Variants in PELI3 observed in about 807,000 individuals in gnomAD.
PELI3 encodes the protein E3 ubiquitin-protein ligase pellino homolog 3.
A neutral mutation model predicts 35.5 loss-of-function variants in PELI3; 19 were observed. That is an observed-to-expected ratio of 0.54 (90% CI 0.37 to 0.79). The LOEUF (loss-of-function observed/expected upper bound fraction) is 0.79. PELI3 is among the 30% of genes least tolerant of loss of function. The pLI is 0.00. For synonymous variants in PELI3, 262 were observed against 279.2 expected, an observed-to-expected ratio of 0.94 and a Z score of 0.62; for missense variants, 490 against 661.2, an observed-to-expected ratio of 0.74 and a Z score of 2.84.
intron 4 of PELI3, among the ~76,000 whole-genome samples, chr11:66,472,149 C>T (rs535277213): frequency 1.3e-5 from 2 of 151,832 alleles, no homozygotes; most frequent in African/African-American, 4.8e-5. Flanking sequence ...GCTGGGATTA[C>T]AGGCGTGAGC....
chr11:66,476,553 ACT>A lies in PELI3; in HGVS notation c.*388_*389del, dbSNP rs932199498. 1 of 229,756 alleles carries A rather than the reference ACT, an allele frequency of 4.4e-6. No homozygotes were observed. The highest frequency in any genetic ancestry group is 7.4e-5 in the South Asian group (1 of 13,486). 14.2% of individuals were successfully genotyped at this position (229,756 alleles called of 1,614,324 possible). On this transcript the variant is annotated 3_prime_UTR_variant, in exon 8 of 8. Coordinates refer to ENST00000320740, the MANE Select transcript of PELI3 (RefSeq NM_145065.3). ...TGAGCCTGCCAACCCAGTTTCAGAC[ACT>A]CATCCTTCATCCTTCCTGCTGCCGC...
At chr11:66,471,825 C>G (rs1051162331) in intron 4 of PELI3, among the ~76,000 whole-genome samples, 8 of 152,060 alleles carry the variant, frequency 5.3e-5, no homozygotes, top group Non-Finnish European at 7.4e-5. Context: ...TCTCTCTGAC[C>G]TGCAGTTTCT....
In PELI3 at chr11:66,473,665, G is replaced by T; in HGVS notation, c.652-72G>T. ...CGCCTCTGAACTTGAAGGTAGCGGG[G>T]GCAGTGCCTCTGGCACATGGCCTGC... On this transcript the variant is annotated intron_variant, in intron 6 of 7. Coordinates refer to ENST00000320740, the MANE Select transcript of PELI3 (RefSeq NM_145065.3). The surrounding 1 kb of genome is among the most constrained non-coding windows in gnomAD (Gnocchi z 5.8). 1 of 1,575,160 alleles carries T rather than the reference G, an allele frequency of 6.3e-7. No homozygotes were observed. Among genetic ancestry groups the T allele is most frequent in the Non-Finnish European group, 8.6e-7 (1 of 1,160,712 alleles).
chr11:66,473,937 G>T lies in PELI3; in HGVS notation c.840+12G>T. On this transcript the variant is annotated intron_variant, in intron 7 of 7. Transcript: ENST00000320740. This position sits in a 1 kb window ranked among gnomAD's most constrained non-coding sequence, Gnocchi z 5.8. ...AGCGGGGCAAGCTGGTAGGTGGCCCGCTCCATTCCCCACCCCTATCCTTGC... is the reference window on the plus strand; with the variant it reads ...AGCGGGGCAAGCTGGTAGGTGGCCCTCTCCATTCCCCACCCCTATCCTTGC... 2 of 1,611,810 alleles carry T rather than the reference G, an allele frequency of 1.2e-6. No individual in the cohort carries two copies. The highest frequency in any genetic ancestry group is 2.2e-5 in the East Asian group (1 of 44,868).
At chr11:66,471,570 C>A (rs998333189) in intron 4 of PELI3, among the ~76,000 whole-genome samples, 199 bp downstream of exon 4, 3 of 152,102 alleles carry the variant, frequency 2.0e-5, no homozygotes, top group Non-Finnish European at 4.4e-5. Flanking sequence ...TTACAGTTTG[C>A]AAAATGTTGC....
Position 66,476,179 on chromosome 11 carries a change from C to A in PELI3, c.*12C>A. 5 of 1,532,678 alleles carry A rather than the reference C, an allele frequency of 3.3e-6. No homozygotes were observed. Among genetic ancestry groups the A allele is most frequent in the African/African-American group, 1.4e-5 (1 of 73,164 alleles). 94.9% of individuals were successfully genotyped at this position (1,532,678 alleles called of 1,614,324 possible). A position where few individuals can be genotyped will look rare whatever the true frequency, so the allele number is the denominator to read the frequency against. On this transcript the variant is annotated 3_prime_UTR_variant, in exon 8 of 8. Transcript: ENST00000320740. The stretch of plus-strand genomic sequence containing the variant: ...GCCCGCTGGATTAGGCTCCCTGGGG[C>A]CCCCTGCTGCTGTGCCCACCTGCCC...
Position 66,473,800 on chromosome 11 carries a change from C to G in PELI3, c.715C>G (p.Leu239Val). The change falls in exon 7 of 8, where the codon CTG (leucine) becomes GTG (valine). Residue 239 changes from leucine to valine, a missense_variant. By Grantham distance (32) the Leu-to-Val change is conservative. Coordinates refer to ENST00000320740, the MANE Select transcript of PELI3 (RefSeq NM_145065.3). The surrounding 1 kb of genome is among the most constrained non-coding windows in gnomAD (Gnocchi z 5.8). ...GGATGGACTGACCACCAATGGAGTCCTGGTGATGCACCCGGCAGGCGGCTT... is the reference window on the plus strand; with the variant it reads ...GGATGGACTGACCACCAATGGAGTCGTGGTGATGCACCCGGCAGGCGGCTT... ...LMDGLTTNGV[L>V]VMHPAGGFSE... 1.2e-6 allele frequency: 2 copies of G among 1,613,990 alleles called. No individual in the cohort carries two copies. Among genetic ancestry groups the G allele is most frequent in the Non-Finnish European group, 1.7e-6 (2 of 1,180,008 alleles).
intron 5 of PELI3, among the ~76,000 whole-genome samples, chr11:66,472,693 C>T (rs1854765857): frequency 6.6e-6 from 1 of 152,172 alleles, no homozygotes; most frequent in Non-Finnish European, 1.5e-5. Flanking sequence ...GGTCACACAG[C>T]TCAGGAGTTC....
At chr11:66,468,083 T>A in intron 1 of PELI3, 45 bp from the exon 2 acceptor site, 3 of 1,536,936 alleles carry the variant, frequency 2.0e-6, no homozygotes, top group Non-Finnish European at 2.6e-6. Flanking sequence ...TGAGCCGGGC[T>A]GGGGTGGGAA....
rs183497552 is a variant in PELI3, at chr11:66,473,448, C to T, written c.651+13C>T. 20 of 1,599,994 alleles carry T rather than the reference C, an allele frequency of 1.3e-5. No individual in the cohort carries two copies. The highest frequency in any genetic ancestry group is 1.0e-4 in the Admixed American group (6 of 59,236). On this transcript the variant is annotated intron_variant, in intron 6 of 7. Coordinates refer to ENST00000320740, the MANE Select transcript of PELI3 (RefSeq NM_145065.3). The surrounding 1 kb of genome is among the most constrained non-coding windows in gnomAD (Gnocchi z 5.8). ...CATCTTCCTTGGAGTGAGTGAGCCCCAGGAAGGGACCAACTCTTCATCTGT... is the reference window on the plus strand; with the variant it reads ...CATCTTCCTTGGAGTGAGTGAGCCCTAGGAAGGGACCAACTCTTCATCTGT...
In PELI3 at chr11:66,476,113, G is replaced by A. The variant is rs1427270075; in HGVS notation, c.1356G>A (p.Trp452Ter). Reference protein sequence around the residue: ...FHAACPFCGAWLTGEHGCVRL... With the variant: ...FHAACPFCGA Reference sequence around the variant, plus strand: ...CCGCCTGCCCCTTTTGCGGGGCCTGGCTTACCGGCGAGCATGGCTGCGTCC... The same window carrying A: ...CCGCCTGCCCCTTTTGCGGGGCCTGACTTACCGGCGAGCATGGCTGCGTCC... Residue 452 changes from tryptophan to a stop codon, truncating the protein, a stop_gained, in exon 8 of 8, where the codon TGG (tryptophan) becomes TGA (stop). Transcript: ENST00000320740. LOFTEE classifies it high-confidence loss of function. 1 of 1,593,726 alleles carries A rather than the reference G, an allele frequency of 6.3e-7. No homozygotes were observed. Among genetic ancestry groups the A allele is most frequent in the South Asian group, 1.1e-5 (1 of 89,410 alleles).
Position 66,472,349 on chromosome 11 carries a change from G to C in PELI3, c.355-20G>C, listed in dbSNP as rs1436505984. 1 of 1,603,362 alleles carries C rather than the reference G, an allele frequency of 6.2e-7. No homozygotes were observed. Among genetic ancestry groups the C allele is most frequent in the Non-Finnish European group, 8.5e-7 (1 of 1,170,458 alleles). Reference sequence around the variant, plus strand: ...ATCATGGCTGCACACCCTGGCAAGTGACTTTTTTCTCCCCACCAGGCACTG... The same window carrying C: ...ATCATGGCTGCACACCCTGGCAAGTCACTTTTTTCTCCCCACCAGGCACTG... On this transcript the variant is annotated intron_variant, in intron 4 of 7. Coordinates refer to ENST00000320740, the MANE Select transcript of PELI3 (RefSeq NM_145065.3).
At chr11:66,470,745 C>T (rs1314344457) in intron 3 of PELI3, among the ~76,000 whole-genome samples, 6 of 152,248 alleles carry the variant, frequency 3.9e-5, no homozygotes, top group Admixed American at 3.9e-4. Flanking sequence ...CAGCTTACTA[C>T]AGGTGAACCC....
intron 3 of PELI3, among the ~76,000 whole-genome samples, chr11:66,470,095 C>T (rs2048027130): frequency 6.6e-6 from 1 of 152,116 alleles, no homozygotes. Context: ...CCACTGCGCC[C>T]GGCCTCATCT....
At position 66,471,279 on chromosome 11, in the gene PELI3, C is replaced by A. The variant is rs1387863397; in HGVS notation, c.262C>A (p.Arg88=). 1 of 1,613,574 alleles carries A rather than the reference C, an allele frequency of 6.2e-7. No individual in the cohort carries two copies. Among genetic ancestry groups the A allele is most frequent in the Non-Finnish European group, 8.5e-7 (1 of 1,179,776 alleles). The change falls in exon 4 of 8, where the codon CGG becomes AGG. Residue 88 remains arginine (R), a synonymous_variant. Transcript: ENST00000320740. ...TCTGGCAAGTGGGGACAAGGGCCGC[C>A]GGCGAAGCCGCCTGGCACTGAGCCG... ...GCLASGDKGR[R]RSRLALSRRS... is the part of the protein sequence containing the mutation.
In PELI3 at chr11:66,473,712, G is replaced by A. The variant is rs1297314883; in HGVS notation, c.652-25G>A. 2 of 1,611,894 alleles carry A rather than the reference G, an allele frequency of 1.2e-6. No individual in the cohort carries two copies. The highest frequency in any genetic ancestry group is 1.7e-4 in the Middle Eastern group (1 of 5,902). ...CTGCTGGGGGGCCCCTGGGGGATGT[G>A]ATCTGATCCCTCATGTGGTCCCAGG... On this transcript the variant is annotated intron_variant, in intron 6 of 7. Coordinates refer to ENST00000320740, the MANE Select transcript of PELI3 (RefSeq NM_145065.3). This position sits in a 1 kb window ranked among gnomAD's most constrained non-coding sequence, Gnocchi z 5.8.
At chr11:66,470,967 A>G (rs1854694481) in intron 3 of PELI3, among the ~76,000 whole-genome samples, 1 of 152,184 alleles carries the variant, frequency 6.6e-6, no homozygotes, top group Non-Finnish European at 1.5e-5. Flanking sequence ...GCCCCAGTGC[A>G]CAGCACCCAT....
Position 66,473,907 on chromosome 11 carries a change from C to T in PELI3, c.822C>T (p.Ala274=), listed in dbSNP as rs377125076. Residue 274 remains alanine, a synonymous_variant, in exon 7 of 8, where the codon GCC becomes GCT. Coordinates refer to ENST00000320740, the MANE Select transcript of PELI3 (RefSeq NM_145065.3). This position sits in a 1 kb window ranked among gnomAD's most constrained non-coding sequence, Gnocchi z 5.8. ...ACACATTGCGGGACAGCCGCTCAGC[C>T]CAGCAGCGGGGCAAGCTGGTAGGTG... The part of the protein sequence containing the change: ...NVYTLRDSRS[A]QQRGKLVENE... The T allele has an allele frequency of 8.1e-6, 13 of 1,613,330 alleles. No homozygotes were observed. Among genetic ancestry groups the T allele is most frequent in the Non-Finnish European group, 1.1e-5 (13 of 1,179,998 alleles).
At chr11:66,472,582 C>A in intron 5 of PELI3, 112 bp downstream of exon 5, 1 of 832,324 alleles carries the variant, frequency 1.2e-6, no homozygotes, top group Non-Finnish European at 2.0e-6. Flanking sequence ...TCTCTCCAGA[C>A]GAGGAAGCAG....
Sources: allele counts gnomAD v4.1 joint callset (sites outside exome capture counted in the v4.1 genomes callset), GRCh38; gene constraint gnomAD v4.1.1; non-coding constraint Gnocchi (gnomAD v3.1); transcripts MANE v1.5; gene names NCBI Gene and HGNC (gene_info 2026-07-23, HGNC 2026-07-21).